Variants in AGPS observed in about 807,000 individuals in gnomAD.
AGPS encodes alkyldihydroxyacetonephosphate synthase, peroxisomal.
Under a neutral mutation model 90.7 loss-of-function variants are expected in AGPS, and 26 were observed. That is an observed-to-expected ratio of 0.29 (90% CI 0.21 to 0.40). The LOEUF (loss-of-function observed/expected upper bound fraction) is 0.40, where lower values mean the gene tolerates loss of function less well. Among genes scored for constraint, AGPS ranks in the 10% least tolerant of loss-of-function variants. AGPS has a pLI of 1.00. For missense variants in AGPS, 540 were observed against 816.1 expected (o/e 0.66, Z 4.12); for synonymous variants, 294 against 285.3 (o/e 1.03, Z -0.31).
intron 8 of AGPS, among the ~76,000 whole-genome samples, chr2:177,447,818 T>A (rs531047344): frequency 6.6e-6 from 1 of 152,292 alleles, no homozygotes; most frequent in East Asian, 1.9e-4. Flanking sequence ...TAAACTTTTG[T>A]GTCCTTCAGA....
chr2:177,505,447 A>G, intron 14 of AGPS, 59 bp from the exon 15 acceptor site: 1 of 1,430,976 alleles, frequency 7.0e-7, no homozygotes, highest in East Asian at 2.3e-5. Context: ...TTTTTGATAC[A>G]TTTATGATAA....
At chr2:177,438,687 C>A (rs1038940637) in intron 5 of AGPS, among the ~76,000 whole-genome samples, 1 of 152,108 alleles carries the variant, frequency 6.6e-6, no homozygotes, top group African/African-American at 2.4e-5. Context: ...GAGATTAATT[C>A]AATAATCCTT....
chr2:177,405,777 C>CTTCTGCAT (rs1685453048), intron 1 of AGPS, among the ~76,000 whole-genome samples: 1 of 148,286 alleles, frequency 6.7e-6, no homozygotes, highest in Non-Finnish European at 1.5e-5. Flanking sequence ...TTAGTCATTT[C>CTTCTGCAT]TTCTGCATTT....
chr2:177,445,316 C>T (rs898431512), intron 7 of AGPS, among the ~76,000 whole-genome samples: 3 of 152,166 alleles, frequency 2.0e-5, no homozygotes, highest in Non-Finnish European at 2.9e-5. Context: ...TGAATAAAGA[C>T]AGAGTCTATG....
chr2:177,535,453 GC>G (rs59016431), intron 19 of AGPS, among the ~76,000 whole-genome samples: 99,533 of 151,356 alleles, frequency 0.66, 34,360 homozygotes, highest in Admixed American at 0.75. Context: ...ATTTCTGAAT[GC>G]CCAGCAGTAC....
intron 11 of AGPS, 43 bp from the exon 12 acceptor site, chr2:177,493,105 C>G: frequency 6.6e-7 from 1 of 1,516,962 alleles, no homozygotes; most frequent in Non-Finnish European, 9.1e-7. Context: ...TAGCTTCTTA[C>G]TGTATTAAAT....
chr2:177,396,942 C>CTTTTTTTTTTTTTT (rs757187515), intron 1 of AGPS, among the ~76,000 whole-genome samples: 2 of 140,552 alleles, frequency 1.4e-5, no homozygotes, highest in South Asian at 2.3e-4. Flanking sequence ...TTTTTCTTTT[C>CTTTTTTTTTTTTTT]TTTTTTTTTT....
chr2:177,444,412 C>T (rs1235181913), intron 7 of AGPS, among the ~76,000 whole-genome samples: 14 of 120,070 alleles, frequency 1.2e-4, no homozygotes, highest in Admixed American at 1.8e-4. Context: ...CAGAGCAAGA[C>T]TCTGTCTCAA....
chr2:177,460,692 G>A (rs1687266171), intron 8 of AGPS, among the ~76,000 whole-genome samples: 1 of 152,140 alleles, frequency 6.6e-6, no homozygotes, highest in Non-Finnish European at 1.5e-5. Flanking sequence ...TATTTTGTTT[G>A]GAGATGGAGT....
At chr2:177,492,059 T>C (rs1688279708) in intron 11 of AGPS, among the ~76,000 whole-genome samples, 1 of 152,208 alleles carries the variant, frequency 6.6e-6, no homozygotes, top group African/African-American at 2.4e-5. Context: ...GTGCTAGGAT[T>C]GCAAGTGTGA....
intron 5 of AGPS, 83 bp from the exon 6 acceptor site, chr2:177,440,882 G>T: frequency 8.5e-7 from 1 of 1,172,568 alleles, no homozygotes; most frequent in Non-Finnish European, 1.3e-6. Flanking sequence ...TTTAGATAAA[G>T]AATTTCGTAG....
chr2:177,411,354 T>C (rs1417682960), intron 1 of AGPS, among the ~76,000 whole-genome samples: 2 of 152,238 alleles, frequency 1.3e-5, no homozygotes, highest in Admixed American at 6.5e-5. Flanking sequence ...CCCTGTGTTA[T>C]AGTGGACAAC....
At chr2:177,414,461 G>T (rs1467790317) in intron 1 of AGPS, among the ~76,000 whole-genome samples, 3 of 152,050 alleles carry the variant, frequency 2.0e-5, no homozygotes, top group Non-Finnish European at 4.4e-5. Context: ...CTCCCACCTT[G>T]GCCTCCCAAA....
chr2:177,535,296 C>T (rs940505202), intron 19 of AGPS, among the ~76,000 whole-genome samples: 4 of 152,166 alleles, frequency 2.6e-5, no homozygotes, highest in East Asian at 3.8e-4. Context: ...TTCATTTTCC[C>T]TTCCTTTAAT....
rs764736473 is a variant in AGPS at position 177,505,509 on chromosome 2, G to A, written c.1479G>A (p.Gly493=). 6.2e-7 allele frequency: 1 copy of A among 1,612,106 alleles called. No homozygotes were observed. Among genetic ancestry groups the A allele is most frequent in the South Asian group, 1.1e-5 (1 of 90,964 alleles). ...QVYDIAAKFG[G]LAAGEDNGQR... is the part of the protein sequence containing the mutation. ...ACAGTTTGTTCTTTAATTACAGTGG[G>A]TTGGCAGCTGGAGAAGATAATGGAC... Residue 493 remains glycine, a synonymous_variant, in exon 15 of 20, where the codon GGG becomes GGA. Transcript: ENST00000264167.
intron 8 of AGPS, among the ~76,000 whole-genome samples, chr2:177,452,432 CCTT>C (rs1282537926): frequency 6.6e-6 from 1 of 152,062 alleles, no homozygotes; most frequent in African/African-American, 2.4e-5. Flanking sequence ...GAAATGACCT[CCTT>C]TATGTGTGAT....
At position 177,431,086 on chromosome 2, in the gene AGPS, T is replaced by C. The variant is rs183997892; in HGVS notation, c.351-3241T>C. ...ACCCCCAGTATTTCAACATAGGTTCTATTTTCCCTAAGTGTCGGCTGGTCT... is the reference window on the plus strand; with the variant it reads ...ACCCCCAGTATTTCAACATAGGTTCCATTTTCCCTAAGTGTCGGCTGGTCT... On this transcript the variant is annotated intron_variant, in intron 2 of 19. Transcript: ENST00000264167. Among the ~76,000 whole-genome samples the C allele has an allele frequency of 3.6e-3, 546 of 152,310 alleles. 5 individuals are homozygous for C. Among genetic ancestry groups the C allele is most frequent in the African/African-American group, 0.012 (517 of 41,566 alleles).
chr2:177,471,243 T>C (rs1283245885), intron 10 of AGPS, among the ~76,000 whole-genome samples: 1 of 152,222 alleles, frequency 6.6e-6, no homozygotes, highest in African/African-American at 2.4e-5. Flanking sequence ...ATGTGAATCA[T>C]AAACTTTTCT....
intron 10 of AGPS, among the ~76,000 whole-genome samples, chr2:177,472,589 T>C (rs1427641445): frequency 6.6e-6 from 1 of 152,148 alleles, no homozygotes; most frequent in Non-Finnish European, 1.5e-5. Context: ...TTTCTGACTT[T>C]TGTAGTTGTT....
Sources: gnomAD v4.1 joint callset for allele counts (sites outside exome capture counted in the v4.1 genomes callset) on GRCh38, gnomAD v4.1.1 for gene constraint, MANE v1.5 for transcripts, NCBI Gene and HGNC (gene_info 2026-07-23, HGNC 2026-07-21) for gene names.